NCKAP1L: variants seen among roughly 807,000 people sequenced by gnomAD.
The protein encoded by NCKAP1L is nck-associated protein 1-like.
In NCKAP1L, 53 loss-of-function variants were observed where a neutral mutation model predicts 139.2. The observed-to-expected ratio is 0.38, with a 90% CI of 0.31 to 0.48. NCKAP1L has a LOEUF of 0.48. Among genes scored for constraint, NCKAP1L ranks in the 20% least tolerant of loss-of-function variants. The pLI is 0.98. For synonymous variants in NCKAP1L, 468 were observed against 499.7 expected, an observed-to-expected ratio of 0.94 and a Z score of 0.85; for missense variants, 1,151 against 1,381.9, an observed-to-expected ratio of 0.83 and a Z score of 2.65.
At chr12:54,536,836 T>A in intron 28 of NCKAP1L, 108 bp from the exon 29 acceptor site, 1 of 687,152 alleles carries the variant, frequency 1.5e-6, no homozygotes, top group Non-Finnish European at 2.6e-6. Context: ...TGTCAAATAC[T>A]GGTGGCTCAG....
chr12:54,519,854 T>C (rs1592345013), intron 16 of NCKAP1L, among the ~76,000 whole-genome samples: 1 of 151,934 alleles, frequency 6.6e-6, no homozygotes, highest in African/African-American at 2.4e-5. Flanking sequence ...TTCAATCTCC[T>C]CTCTTTGGAA....
intron 18 of NCKAP1L, 31 bp downstream of exon 18, chr12:54,521,269 C>A: frequency 1.2e-6 from 2 of 1,611,100 alleles, no homozygotes; most frequent in South Asian, 1.1e-5. Context: ...TTCACTCTCC[C>A]CTCTGCCAGC....
intron 3 of NCKAP1L, among the ~76,000 whole-genome samples, chr12:54,503,280 A>G (rs1486408739): frequency 6.6e-6 from 1 of 152,132 alleles, no homozygotes; most frequent in African/African-American, 2.4e-5. Context: ...ATTTTAAATA[A>G]TGAGCATGTA....
At chr12:54,509,817 C>A (rs769362097) in intron 6 of NCKAP1L, 31 bp from the exon 7 acceptor site, 2 of 1,614,138 alleles carry the variant, frequency 1.2e-6, no homozygotes, top group South Asian at 2.2e-5. Context: ...CTCATGATTG[C>A]CGCTAAGGTT....
chr12:54,508,707 G>T (rs572124274), intron 5 of NCKAP1L, among the ~76,000 whole-genome samples, 176 bp downstream of exon 5: 1 of 152,172 alleles, frequency 6.6e-6, no homozygotes. Flanking sequence ...GAAACAACAC[G>T]GGTTTGAACT....
At chr12:54,536,008 TTCATGGATATTTTCTCCTGCGATCC>T in intron 27 of NCKAP1L, 96 bp from the exon 28 acceptor site, 1 of 717,010 alleles carries the variant, frequency 1.4e-6, no homozygotes, top group Non-Finnish European at 2.4e-6. Flanking sequence ...ATAAAGTGTT[TTCATGGATATTTTCTCCTGCGATCC>T]TCACAGCAAT....
At position 54,520,723 on chromosome 12, in the gene NCKAP1L, T is replaced by G; in HGVS notation, c.1655T>G (p.Phe552Cys). Residue 552 changes from phenylalanine (F) to cysteine (C), a missense_variant, in exon 17 of 31, where the codon TTT (phenylalanine) becomes TGT (cysteine). Transcript: ENST00000293373. ...CATCTTCGTATCTTTGAGAAGATGT[T>G]TGCCATGACCTTGGAGGAATCTGCC... ...CFHLRIFEKM[F>C]AMTLEESAML... 1 of 1,614,184 alleles carries G rather than the reference T, an allele frequency of 6.2e-7. No individual in the cohort carries two copies.
In NCKAP1L at chr12:54,534,629, G is replaced by T. The variant is rs550797442; in HGVS notation, c.2863-475G>T. Among the ~76,000 whole-genome samples the T allele has an allele frequency of 7.2e-5, 11 of 152,276 alleles. 1 individual carries two copies. In the South Asian group the frequency reaches 2.1e-3, roughly 29 times the overall value. On this transcript the variant is annotated intron_variant, in intron 26 of 30. Transcript: ENST00000293373. Reference sequence around the variant, plus strand: ...GGAGAGAAAAGGACCCTCAAAAGAGGGAAGCACCTGAACCAGAGTATGAGA... The same window carrying T: ...GGAGAGAAAAGGACCCTCAAAAGAGTGAAGCACCTGAACCAGAGTATGAGA...
At chr12:54,500,144 G>T (rs1956786018) in intron 2 of NCKAP1L, among the ~76,000 whole-genome samples, 1 of 146,358 alleles carries the variant, frequency 6.8e-6, no homozygotes, top group Non-Finnish European at 1.5e-5. Flanking sequence ...TTTTTTTTGA[G>T]ATGGAGTCTT....
rs1001324013 is a variant in NCKAP1L, at chr12:54,547,782, TAAG to T, written c.*5098_*5100del. ...TCCAGCCCATTTCATTTTCAGTTGATAAGGAGGAGATTGCTCCCAAATTTTCAG... is the reference window on the plus strand; with the variant it reads ...TCCAGCCCATTTCATTTTCAGTTGATGAGGAGATTGCTCCCAAATTTTCAG... On this transcript the variant is annotated 3_prime_UTR_variant, in exon 31 of 31. Coordinates refer to ENST00000293373, the MANE Select transcript of NCKAP1L (RefSeq NM_005337.5). 6.6e-6 allele frequency: 1 copy of T among 152,162 alleles called. No individual in the cohort carries two copies. Among genetic ancestry groups the T allele is most frequent in the Non-Finnish European group, 1.5e-5 (1 of 68,030 alleles). The allele number at this position is 152,162 out of a possible 1,614,324, so 9.4% of individuals were successfully genotyped here.
chr12:54,509,240 C>G (rs1361377591), intron 5 of NCKAP1L, among the ~76,000 whole-genome samples: 1 of 152,132 alleles, frequency 6.6e-6, no homozygotes, highest in Non-Finnish European at 1.5e-5. Context: ...GGTTGTGGCA[C>G]ATCATTCTAT....
chr12:54,518,493 A>C, intron 13 of NCKAP1L, 158 bp from the exon 14 acceptor site: 2 of 702,470 alleles, frequency 2.8e-6, no homozygotes, highest in Non-Finnish European at 5.2e-6. Flanking sequence ...ATGGCAGGGA[A>C]CCCGGAAAGT....
rs1956945622 is a variant in NCKAP1L, at chr12:54,517,751, T to C, written c.1206-55T>C. The C allele has an allele frequency of 1.9e-6, 3 of 1,607,200 alleles. No individual in the cohort carries two copies. In the Admixed American group the frequency reaches 5.0e-5, roughly 27 times the overall value. ...TTCTGCCCTGATATCACTGTGTTTGTCTCAGTTCATATTTCTAGTCTTATT... is the reference window on the plus strand; with the variant it reads ...TTCTGCCCTGATATCACTGTGTTTGCCTCAGTTCATATTTCTAGTCTTATT... On this transcript the variant is annotated intron_variant, in intron 12 of 30. Transcript: ENST00000293373.
In NCKAP1L at chr12:54,511,421, T is replaced by A. The variant is rs944623121; in HGVS notation, c.736-382T>A. 6.6e-5 allele frequency among the ~76,000 whole-genome samples: 10 copies of A among 152,320 alleles called. 1 individual carries two copies. The highest frequency in any genetic ancestry group is 2.2e-4 in the African/African-American group (9 of 41,562). ...AATAAAAGTTAGTTTTTTAAAAAAA[T>A]TTAGAGACAGGGTTTTGCTCTGTTG... On this transcript the variant is annotated intron_variant, in intron 7 of 30. Coordinates refer to ENST00000293373, the MANE Select transcript of NCKAP1L (RefSeq NM_005337.5).
At position 54,542,746 on chromosome 12, in the gene NCKAP1L, A is replaced by G; in HGVS notation, c.*61A>G. On this transcript the variant is annotated 3_prime_UTR_variant, in exon 31 of 31. Transcript: ENST00000293373. ...CTTCCTAAACCCTTGCCATAGTGGA[A>G]GCTGTGGTCACTTTCGCAGGGGGTG... 1 of 761,792 alleles carries G rather than the reference A, an allele frequency of 1.3e-6. No homozygotes were observed. The highest frequency in any genetic ancestry group is 2.2e-6 in the Non-Finnish European group (1 of 462,860). The allele number at this position is 761,792 out of a possible 1,614,324, so 47.2% of individuals were successfully genotyped here.
chr12:54,526,065 G>C (rs910028963), intron 20 of NCKAP1L, among the ~76,000 whole-genome samples: 6 of 152,178 alleles, frequency 3.9e-5, no homozygotes, highest in Non-Finnish European at 2.9e-5. Context: ...TACTTCCAAG[G>C]ATTTCTAAGC....
At chr12:54,533,115 G>A (rs1592351704) in intron 26 of NCKAP1L, among the ~76,000 whole-genome samples, 1 of 152,310 alleles carries the variant, frequency 6.6e-6, no homozygotes, top group East Asian at 1.9e-4. Flanking sequence ...GGGGCAGTGA[G>A]GGGGCAGTGT....
In NCKAP1L at chr12:54,531,242, TC is replaced by T. The variant is rs746818576; in HGVS notation, c.2507-17del. The stretch of plus-strand genomic sequence containing the variant: ...TGCCTTCTGAGTCCCATCTGGGGCC[TC>T]TGTAACTCTGTTCCAGAGATGCGGG... On this transcript the variant is annotated splice_polypyrimidine_tract_variant and intron_variant, in intron 22 of 30. Coordinates refer to ENST00000293373, the MANE Select transcript of NCKAP1L (RefSeq NM_005337.5). 6.2e-7 allele frequency: 1 copy of T among 1,607,660 alleles called. No homozygotes were observed. The highest frequency in any genetic ancestry group is 2.2e-5 in the East Asian group (1 of 44,844).
At chr12:54,506,434 G>A (rs1203235075) in intron 3 of NCKAP1L, among the ~76,000 whole-genome samples, 1 of 151,184 alleles carries the variant, frequency 6.6e-6, no homozygotes, top group East Asian at 1.9e-4. Context: ...ACAGAGTCTT[G>A]CTCTGTCACC....
Sources: allele counts gnomAD v4.1 joint callset (sites outside exome capture counted in the v4.1 genomes callset), GRCh38; gene constraint gnomAD v4.1.1; transcripts MANE v1.5; gene names NCBI Gene and HGNC (gene_info 2026-07-23, HGNC 2026-07-21).